Variants in TMEM132B observed in about 807,000 individuals in gnomAD.
TMEM132B encodes transmembrane protein 132B.
A neutral mutation model predicts 90.8 loss-of-function variants in TMEM132B; 18 were observed. The observed-to-expected ratio is 0.20, with a 90% CI of 0.14 to 0.29. The LOEUF is 0.29. TMEM132B is among the 10% of genes least tolerant of loss of function. TMEM132B has a pLI of 1.00. For synonymous variants in TMEM132B, 504 were observed against 523.3 expected, an observed-to-expected ratio of 0.96 and a Z score of 0.50; for missense variants, 1,096 against 1,326.8, an observed-to-expected ratio of 0.83 and a Z score of 2.70.
intron 3 of TMEM132B, among the ~76,000 whole-genome samples, chr12:125,416,289 G>C (rs1325243845): frequency 6.6e-6 from 1 of 152,144 alleles, no homozygotes; most frequent in Non-Finnish European, 1.5e-5. Flanking sequence ...CATTGCCTCT[G>C]TTTTCTTCTT....
chr12:125,362,152 A>C (rs1272778831), intron 2 of TMEM132B, among the ~76,000 whole-genome samples: 1 of 152,106 alleles, frequency 6.6e-6, no homozygotes, highest in Non-Finnish European at 1.5e-5. Flanking sequence ...CTTGTCTGCA[A>C]GTGGCTGGGG....
intron 1 of TMEM132B, among the ~76,000 whole-genome samples, chr12:125,189,366 G>A (rs1957781960): frequency 6.6e-6 from 1 of 152,186 alleles, no homozygotes; most frequent in Non-Finnish European, 1.5e-5. Flanking sequence ...CGGGGGTCTA[G>A]GGTCTATGAA....
chr12:125,617,918 C>T (rs1886029854), intron 5 of TMEM132B, among the ~76,000 whole-genome samples: 1 of 151,420 alleles, frequency 6.6e-6, no homozygotes, highest in Non-Finnish European at 1.5e-5. Flanking sequence ...TAGTTGCTCA[C>T]CTGCAGCTGC....
At chr12:125,574,082 G>A (rs1884874469) in intron 4 of TMEM132B, among the ~76,000 whole-genome samples, 1 of 151,710 alleles carries the variant, frequency 6.6e-6, no homozygotes, top group South Asian at 2.1e-4. Context: ...ACAATGCTTT[G>A]ATGAATATCC....
At chr12:125,287,029 A>G (rs1164081655) in intron 1 of TMEM132B, among the ~76,000 whole-genome samples, 1 of 93,888 alleles carries the variant, frequency 1.1e-5, no homozygotes, top group Non-Finnish European at 2.3e-5. Context: ...TTTTTTTTTC[A>G]GCTTTCTGGA....
intron 3 of TMEM132B, among the ~76,000 whole-genome samples, chr12:125,437,946 A>G (rs1880752021): frequency 6.6e-6 from 1 of 152,172 alleles, no homozygotes; most frequent in Admixed American, 6.5e-5. Context: ...ACAATGGTCA[A>G]TTTTGTGTTC....
At chr12:125,602,275 C>T (rs549285914) in intron 5 of TMEM132B, among the ~76,000 whole-genome samples, 4 of 152,262 alleles carry the variant, frequency 2.6e-5, no homozygotes, top group African/African-American at 4.8e-5. Flanking sequence ...GTGATCAAGT[C>T]GGCTTCATCC....
chr12:125,601,697 A>G (rs1241517982), intron 5 of TMEM132B, among the ~76,000 whole-genome samples: 1 of 152,196 alleles, frequency 6.6e-6, no homozygotes, highest in African/African-American at 2.4e-5. Context: ...TGAAAAAATT[A>G]AATTAGATAG....
chr12:125,208,409 C>T (rs537888413), intron 1 of TMEM132B, among the ~76,000 whole-genome samples: 4 of 152,252 alleles, frequency 2.6e-5, no homozygotes, highest in African/African-American at 9.6e-5. Context: ...TTTTCATCAC[C>T]CCAAAAAGAA....
At chr12:125,362,722 T>C (rs1009610489) in intron 2 of TMEM132B, among the ~76,000 whole-genome samples, 1 of 152,222 alleles carries the variant, frequency 6.6e-6, no homozygotes, top group Non-Finnish European at 1.5e-5. Context: ...GCAGTATTTG[T>C]CCTTCTATAA....
At chr12:125,313,724 A>G (rs971947509) in intron 1 of TMEM132B, among the ~76,000 whole-genome samples, 8 of 103,034 alleles carry the variant, frequency 7.8e-5, no homozygotes, top group Non-Finnish European at 1.3e-4. Flanking sequence ...GTTTGGGTTA[A>G]TTTTCTGCCA....
chr12:125,411,406 C>T (rs1426140073), intron 2 of TMEM132B, among the ~76,000 whole-genome samples: 1 of 151,534 alleles, frequency 6.6e-6, no homozygotes, highest in Non-Finnish European at 1.5e-5. Flanking sequence ...GGAGAAATAC[C>T]TAATGTAGAT....
Position 125,641,159 on chromosome 12 carries a change from G to A in TMEM132B, c.1438-2917G>A, listed in dbSNP as rs568452052. 4.6e-5 allele frequency among the ~76,000 whole-genome samples: 7 copies of A among 152,310 alleles called. No homozygotes were observed. The South Asian group carries it at 1.5e-3, about 32-fold the overall frequency. ...TCCATGCTCTGGTCTTTGTATGAGA[G>A]CTGAGACAAGAAGGCAGAGCGAGTA... On this transcript the variant is annotated intron_variant, in intron 5 of 8. Coordinates refer to ENST00000682704, the MANE Select transcript of TMEM132B (RefSeq NM_001366854.1).
intron 1 of TMEM132B, among the ~76,000 whole-genome samples, chr12:125,290,779 C>T (rs2136146346): frequency 6.6e-6 from 1 of 152,288 alleles, no homozygotes; most frequent in Non-Finnish European, 1.5e-5. Context: ...GGTACATCTC[C>T]TTGTGTACAA....
rs1396618288 is a variant in TMEM132B, at chr12:125,655,766, C to CA, written c.*1057dup. On this transcript the variant is annotated 3_prime_UTR_variant, in exon 9 of 9. Coordinates refer to ENST00000682704, the MANE Select transcript of TMEM132B (RefSeq NM_001366854.1). ...TTGCCTAGGCAATAGATGCAGATTA[C>CA]ACTTTCCATTTTACCAGAACAAAAG... is the stretch of plus-strand genomic sequence containing the variant. 1 of 151,754 alleles carries CA rather than the reference C, an allele frequency of 6.6e-6. No individual in the cohort carries two copies. The highest frequency in any genetic ancestry group is 2.4e-5 in the African/African-American group (1 of 41,304). The allele number at this position is 151,754 out of a possible 1,614,324, so 9.4% of individuals were successfully genotyped here.
At chr12:125,489,602 G>A (rs1882296696) in intron 3 of TMEM132B, among the ~76,000 whole-genome samples, 1 of 151,970 alleles carries the variant, frequency 6.6e-6, no homozygotes, top group Non-Finnish European at 1.5e-5. Context: ...TGTAGAGATG[G>A]GGTCTCGCTA....
At chr12:125,361,309 C>G (rs967016931) in intron 2 of TMEM132B, among the ~76,000 whole-genome samples, 9 of 152,128 alleles carry the variant, frequency 5.9e-5, no homozygotes, top group African/African-American at 2.2e-4. Flanking sequence ...AAGTCACTTG[C>G]CCAAGGGTCA....
chr12:125,525,917 T>G lies in TMEM132B; in HGVS notation c.1293+6292T>G, dbSNP rs1592974466. Among the ~76,000 whole-genome samples the G allele has an allele frequency of 3.3e-5, 5 of 152,200 alleles. No homozygotes were observed. The South Asian group carries it at 1.0e-3, about 32-fold the overall frequency. On this transcript the variant is annotated intron_variant, in intron 4 of 8. Transcript: ENST00000682704. ...CCCTTCCCTTGTGATTATTGCACCC[T>G]GGGGGAAGTTGCCTAGTTGGGTGAG...
chr12:125,641,402 T>C (rs1213341779), intron 5 of TMEM132B, among the ~76,000 whole-genome samples: 1 of 152,190 alleles, frequency 6.6e-6, no homozygotes, highest in East Asian at 1.9e-4. Context: ...AAACTCTGGT[T>C]TCTGTATATC....
Sources: allele counts gnomAD v4.1 joint callset (sites outside exome capture counted in the v4.1 genomes callset), GRCh38; gene constraint gnomAD v4.1.1; transcripts MANE v1.5; gene names NCBI Gene and HGNC (gene_info 2026-07-23, HGNC 2026-07-21).